Variants in SEMA5A observed in about 807,000 individuals in gnomAD.
SEMA5A encodes the protein semaphorin 5A, also known as semaphorin-5A.
A neutral mutation model predicts 135.5 loss-of-function variants in SEMA5A; 55 were observed. The ratio of observed to expected loss-of-function variants is 0.41; its 90% confidence interval spans 0.33 to 0.51. The LOEUF is 0.51. SEMA5A is among the 20% of genes least tolerant of loss of function. The probability of loss-of-function intolerance (pLI) is 0.37; values close to 1 mark genes in which losing one functional copy is unlikely to be tolerated. For missense variants in SEMA5A, 1,290 were observed against 1,419.9 expected, an observed-to-expected ratio of 0.91 and a Z score of 1.47; for synonymous variants, 580 against 546.5, an observed-to-expected ratio of 1.06 and a Z score of -0.85.
chr5:9,127,518 A>G (rs1488558422), intron 13 of SEMA5A, among the ~76,000 whole-genome samples: 1 of 152,172 alleles, frequency 6.6e-6, no homozygotes, highest in Non-Finnish European at 1.5e-5. Context: ...GCCCAAGAGC[A>G]TATTTCTCTC....
chr5:9,223,563 T>A (rs985518818), intron 8 of SEMA5A, among the ~76,000 whole-genome samples: 2 of 152,114 alleles, frequency 1.3e-5, no homozygotes, highest in African/African-American at 4.8e-5. Flanking sequence ...CACCCCCCAG[T>A]CCCACAACTA....
intron 11 of SEMA5A, among the ~76,000 whole-genome samples, chr5:9,162,571 T>TAC (rs1560977323): frequency 0.13 from 7,496 of 58,912 alleles, 874 homozygotes; most frequent in African/African-American, 0.2. Flanking sequence ...TGTGTATATA[T>TAC]ATATATATAT....
In SEMA5A at chr5:9,147,724, C is replaced by CAAA. The variant is rs59966819; in HGVS notation, c.1481+6761_1481+6763dup. ...TTCATTAAGCAAAAATAAAACAAACCAAAAAAAAAAAAAAAAAACCCACCT... is the reference window on the plus strand; with the variant it reads ...TTCATTAAGCAAAAATAAAACAAACCAAAAAAAAAAAAAAAAAAAAACCCACCT... On this transcript the variant is annotated intron_variant, in intron 12 of 22. Transcript: ENST00000382496. Among the ~76,000 whole-genome samples the CAAA allele has an allele frequency of 3.7e-3, 383 of 102,430 alleles. 3 individuals are homozygous for CAAA. Among genetic ancestry groups the CAAA allele is most frequent in the South Asian group, 0.012 (37 of 2,962 alleles). 67.2% of individuals were successfully genotyped at this position (102,430 alleles called of 152,430 possible).
At chr5:9,154,370 AG>A in intron 12 of SEMA5A, 117 bp downstream of exon 12, 5 of 773,154 alleles carry the variant, frequency 6.5e-6, no homozygotes, top group Non-Finnish European at 1.1e-5. Context: ...GGACTCTCAG[AG>A]GCATGAAGGG....
chr5:9,205,214 G>C (rs561222973), intron 8 of SEMA5A, among the ~76,000 whole-genome samples: 3 of 152,136 alleles, frequency 2.0e-5, no homozygotes, highest in Non-Finnish European at 4.4e-5. Flanking sequence ...AGACTGGTAA[G>C]CAGGTTTACT....
At chr5:9,212,245 G>T (rs1746381821) in intron 8 of SEMA5A, among the ~76,000 whole-genome samples, 1 of 152,172 alleles carries the variant, frequency 6.6e-6, no homozygotes. Flanking sequence ...TTGATTGCCA[G>T]TTTCTTGAAG....
intron 5 of SEMA5A, among the ~76,000 whole-genome samples, chr5:9,289,921 G>A (rs907995184): frequency 6.6e-6 from 1 of 152,128 alleles, no homozygotes; most frequent in African/African-American, 2.4e-5. Context: ...CATTTCAAAA[G>A]TGAATTTTCT....
At chr5:9,331,018 C>A (rs1579357533) in intron 4 of SEMA5A, among the ~76,000 whole-genome samples, 2 of 152,148 alleles carry the variant, frequency 1.3e-5, no homozygotes, top group African/African-American at 4.8e-5. Context: ...TTTTTGCATT[C>A]ACTGCTAATC....
At position 9,339,668 on chromosome 5, in the gene SEMA5A, G is replaced by A. The variant is rs1753558738; in HGVS notation, c.125-1856C>T. ...GCAACTTAAGAAACTACTAGGAAAG[G>A]AAACTGAAAGGTGTATTTAAATACA... On this transcript the variant is annotated intron_variant, in intron 3 of 22. Coordinates refer to ENST00000382496, the MANE Select transcript of SEMA5A (RefSeq NM_003966.3). Among the ~76,000 whole-genome samples, 3 of 152,272 alleles carry A rather than the reference G, an allele frequency of 2.0e-5. No individual in the cohort carries two copies. In the South Asian group the frequency reaches 6.2e-4, roughly 32 times the overall value.
At position 9,044,393 on chromosome 5, in the gene SEMA5A, C is replaced by T. The variant is rs142348598; in HGVS notation, c.3085G>A (p.Asp1029Asn). Reference protein sequence around the residue: ...TNHINKLDKYDSVEAIKAFNK... With the variant: ...TNHINKLDKYNSVEAIKAFNK... Reference sequence around the variant, plus strand: ...CTTACCTTGATGGCCTCCACCGAGTCGTACTTGTCCAGTTTGTTGATGTGG... The same window carrying T: ...CTTACCTTGATGGCCTCCACCGAGTTGTACTTGTCCAGTTTGTTGATGTGG... The change falls in exon 22 of 23, where the codon GAC becomes AAC. Residue 1029 changes from aspartate (D) to asparagine (N), a missense_variant. This residue lies in a region of SEMA5A where 1,029 missense variants were observed against 1,086.6 expected (regional missense o/e 0.95). Coordinates refer to ENST00000382496, the MANE Select transcript of SEMA5A (RefSeq NM_003966.3). 9.3e-6 allele frequency: 15 copies of T among 1,613,276 alleles called. No individual in the cohort carries two copies. The highest frequency in any genetic ancestry group is 8.0e-5 in the African/African-American group (6 of 74,870).
chr5:9,178,290 G>GA (rs1200310830), intron 11 of SEMA5A, among the ~76,000 whole-genome samples: 203 of 147,574 alleles, frequency 1.4e-3, no homozygotes, highest in African/African-American at 4.8e-3. Context: ...CCTGAGTGAG[G>GA]AAAAAAAATG....
At chr5:9,155,048 A>T (rs1742877968) in intron 11 of SEMA5A, among the ~76,000 whole-genome samples, 1 of 152,192 alleles carries the variant, frequency 6.6e-6, no homozygotes, top group Non-Finnish European at 1.5e-5. Flanking sequence ...CCCTCAAGGG[A>T]CGATCTTGGA....
intron 5 of SEMA5A, among the ~76,000 whole-genome samples, chr5:9,287,627 T>C (rs1750865046): frequency 6.6e-6 from 1 of 152,224 alleles, no homozygotes; most frequent in Non-Finnish European, 1.5e-5. Flanking sequence ...CAAACTATAG[T>C]CAGCAGGCCA....
intron 2 of SEMA5A, among the ~76,000 whole-genome samples, chr5:9,396,664 A>C (rs1003231439): frequency 6.6e-6 from 1 of 152,086 alleles, no homozygotes; most frequent in African/African-American, 2.4e-5. Context: ...AAAATACTCA[A>C]ACTCTCAAAT....
intron 15 of SEMA5A, among the ~76,000 whole-genome samples, chr5:9,117,376 T>TG (rs1740575156): frequency 6.6e-6 from 1 of 152,200 alleles, no homozygotes; most frequent in Admixed American, 6.5e-5. Context: ...CTATACAGGT[T>TG]GAGCATCCCT....
rs544781707 is a variant in SEMA5A at position 9,204,978 on chromosome 5, C to A, written c.647-2738G>T. The stretch of plus-strand genomic sequence containing the variant: ...CAGAACAGTTTCATCCCTAAACCAT[C>A]CCCTCTATCCTCCCTGCCACCCCCA... On this transcript the variant is annotated intron_variant, in intron 8 of 22. Coordinates refer to ENST00000382496, the MANE Select transcript of SEMA5A (RefSeq NM_003966.3). This position sits in a 1 kb window ranked among gnomAD's most constrained non-coding sequence, Gnocchi z 6.4. 4.6e-5 allele frequency among the ~76,000 whole-genome samples: 7 copies of A among 152,132 alleles called. No homozygotes were observed. Among genetic ancestry groups the A allele is most frequent in the Non-Finnish European group, 7.4e-5 (5 of 68,026 alleles).
chr5:9,329,021 A>T (rs1029807646), intron 4 of SEMA5A, among the ~76,000 whole-genome samples: 13 of 152,218 alleles, frequency 8.5e-5, no homozygotes, highest in African/African-American at 3.1e-4. Context: ...GGAGCCAAGC[A>T]CTTTTCAGCC....
chr5:9,241,565 C>CAAAA (rs3061561), intron 5 of SEMA5A, among the ~76,000 whole-genome samples: 2 of 111,850 alleles, frequency 1.8e-5, no homozygotes, highest in Admixed American at 9.0e-5. Context: ...AAGAGAGCTA[C>CAAAA]AAAAAAAAAA....
chr5:9,353,506 G>A (rs1253265834), intron 3 of SEMA5A, among the ~76,000 whole-genome samples: 4 of 152,098 alleles, frequency 2.6e-5, no homozygotes, highest in Non-Finnish European at 4.4e-5. Flanking sequence ...AAGAGTAGAG[G>A]GTCTTGCTGA....
Sources: allele counts gnomAD v4.1 joint callset (sites outside exome capture counted in the v4.1 genomes callset), GRCh38; gene constraint gnomAD v4.1.1; regional missense constraint gnomAD v4.1.1; non-coding constraint Gnocchi (gnomAD v3.1); transcripts MANE v1.5; gene names NCBI Gene and HGNC (gene_info 2026-07-23, HGNC 2026-07-21).